Variants in CFAP299 observed in about 807,000 individuals in gnomAD.
CFAP299 encodes the protein cilia- and flagella-associated protein 299.
A neutral mutation model predicts 27.0 loss-of-function variants in CFAP299; 21 were observed. That is an observed-to-expected ratio of 0.78 (90% confidence interval 0.55 to 1.12). The LOEUF is 1.12. CFAP299 is among the 50% of genes most tolerant of loss of function. CFAP299 has a pLI of 0.00. For missense variants in CFAP299, 310 were observed against 276.6 expected (o/e 1.12, Z -0.86); for synonymous variants, 104 against 98.1 (o/e 1.06, Z -0.36).
chr4:80,401,488 C>A (rs1016903959), intron 2 of CFAP299, among the ~76,000 whole-genome samples: 8 of 152,198 alleles, frequency 5.3e-5, no homozygotes, highest in Admixed American at 4.6e-4. Flanking sequence ...AGGGGGGAAG[C>A]CCCAAGTCTT....
intron 5 of CFAP299, among the ~76,000 whole-genome samples, chr4:80,952,616 CTTTCTT>C (rs534462944): frequency 6.6e-6 from 1 of 152,130 alleles, no homozygotes; most frequent in South Asian, 2.1e-4. Context: ...ATGTCAAATT[CTTTCTT>C]TTTCTCTGAG....
At chr4:80,342,358 A>G (rs1255438205) in intron 1 of CFAP299, among the ~76,000 whole-genome samples, 1 of 152,196 alleles carries the variant, frequency 6.6e-6, no homozygotes, top group East Asian at 1.9e-4. Context: ...ACCTCAAGAC[A>G]CATAATCCTC....
At chr4:80,422,445 C>T (rs1022426471) in intron 2 of CFAP299, among the ~76,000 whole-genome samples, 4 of 152,122 alleles carry the variant, frequency 2.6e-5, no homozygotes, top group African/African-American at 9.7e-5. Context: ...TGCTACTACG[C>T]CCATAGGCCG....
At chr4:80,924,538 G>GTATATATATATA (rs1553906748) in intron 4 of CFAP299, among the ~76,000 whole-genome samples, 31 of 131,692 alleles carry the variant, frequency 2.4e-4, no homozygotes, top group Middle Eastern at 7.8e-3. Flanking sequence ...GTGTGTGTGT[G>GTATATATATATA]TATATATATA....
At chr4:80,847,352 A>G (rs1398717235) in intron 3 of CFAP299, among the ~76,000 whole-genome samples, 3 of 152,088 alleles carry the variant, frequency 2.0e-5, no homozygotes, top group African/African-American at 7.2e-5. Flanking sequence ...CCTTGACACA[A>G]TCTCTCTGCA....
At chr4:80,632,904 ATTC>A (rs1290813884) in intron 3 of CFAP299, among the ~76,000 whole-genome samples, 5 of 152,200 alleles carry the variant, frequency 3.3e-5, no homozygotes, top group Non-Finnish European at 7.4e-5. Flanking sequence ...TGAATAATGT[ATTC>A]TTAAAAAGCA....
At chr4:80,679,608 G>A (rs1002869070) in intron 3 of CFAP299, among the ~76,000 whole-genome samples, 2 of 151,720 alleles carry the variant, frequency 1.3e-5, no homozygotes, top group African/African-American at 4.8e-5. Flanking sequence ...TAAAAAAAAT[G>A]GCTACTAATA....
intron 3 of CFAP299, among the ~76,000 whole-genome samples, chr4:80,734,656 A>G (rs948718901): frequency 6.6e-6 from 1 of 152,144 alleles, no homozygotes; most frequent in Admixed American, 6.5e-5. Context: ...GACAATACAT[A>G]GGGGTCAGGA....
At chr4:80,732,934 C>T (rs1723623331) in intron 3 of CFAP299, among the ~76,000 whole-genome samples, 1 of 152,164 alleles carries the variant, frequency 6.6e-6, no homozygotes, top group East Asian at 1.9e-4. Context: ...TATTAATGTG[C>T]TTGGCATAGA....
intron 3 of CFAP299, among the ~76,000 whole-genome samples, chr4:80,599,433 A>C (rs1389987309): frequency 1.3e-5 from 2 of 152,140 alleles, no homozygotes; most frequent in Non-Finnish European, 2.9e-5. Flanking sequence ...CCTGTGAACT[A>C]TCCTTAATTC....
chr4:80,752,340 A>G (rs748982686), intron 3 of CFAP299, among the ~76,000 whole-genome samples: 4 of 150,846 alleles, frequency 2.7e-5, no homozygotes, highest in African/African-American at 7.3e-5. Context: ...GCTTCTAATC[A>G]GCCATGGTGC....
At chr4:80,684,230 T>A (rs1220191961) in intron 3 of CFAP299, among the ~76,000 whole-genome samples, 1 of 151,632 alleles carries the variant, frequency 6.6e-6, no homozygotes, top group East Asian at 2.0e-4. Context: ...CTTTTTCTGT[T>A]CGTTTTTATT....
chr4:80,958,990 T>C lies in CFAP299; in HGVS notation c.607-4527T>C, dbSNP rs116117334. Among the ~76,000 whole-genome samples the C allele has an allele frequency of 3.8e-3, 577 of 152,292 alleles. 1 individual carries two copies. Among genetic ancestry groups the C allele is most frequent in the African/African-American group, 0.014 (562 of 41,576 alleles). ...CTACAGGGACCTAAAATCACTGTTGTGGACTTATTACTAATAATTTTCAAA... is the reference window on the plus strand; with the variant it reads ...CTACAGGGACCTAAAATCACTGTTGCGGACTTATTACTAATAATTTTCAAA... On this transcript the variant is annotated intron_variant, in intron 5 of 5. Coordinates refer to ENST00000358105, the MANE Select transcript of CFAP299 (RefSeq NM_152770.3).
chr4:80,545,305 C>G (rs13112651), intron 2 of CFAP299, among the ~76,000 whole-genome samples: 55,610 of 151,786 alleles, frequency 0.37, 13,027 homozygotes, highest in African/African-American at 0.67. Context: ...AGAAACAAGA[C>G]CAAAACAACT....
chr4:80,473,765 A>G (rs908451157), intron 2 of CFAP299, among the ~76,000 whole-genome samples: 1 of 151,796 alleles, frequency 6.6e-6, no homozygotes, highest in Admixed American at 6.6e-5. Flanking sequence ...TTGTTTTTTA[A>G]ATTTTTTGTA....
At chr4:80,781,411 A>G (rs1419545819) in intron 3 of CFAP299, among the ~76,000 whole-genome samples, 1 of 152,054 alleles carries the variant, frequency 6.6e-6, no homozygotes, top group Non-Finnish European at 1.5e-5. Flanking sequence ...GGATAGGTAA[A>G]CACCTATATT....
chr4:80,956,765 G>C (rs1209931267), intron 5 of CFAP299, among the ~76,000 whole-genome samples: 3 of 151,772 alleles, frequency 2.0e-5, no homozygotes, highest in Non-Finnish European at 4.4e-5. Flanking sequence ...CTCTACAATT[G>C]TTATTGCTGT....
At chr4:80,685,238 G>A (rs889898644) in intron 3 of CFAP299, among the ~76,000 whole-genome samples, 3 of 152,144 alleles carry the variant, frequency 2.0e-5, no homozygotes, top group Non-Finnish European at 2.9e-5. Context: ...CTCTTGTTCA[G>A]TGAATATATT....
intron 2 of CFAP299, among the ~76,000 whole-genome samples, chr4:80,522,511 T>G (rs1732974250): frequency 6.6e-6 from 1 of 152,086 alleles, no homozygotes; most frequent in Non-Finnish European, 1.5e-5. Flanking sequence ...ATTTGATGTA[T>G]TCTCACTTGT....
Sources: allele counts gnomAD v4.1 joint callset (sites outside exome capture counted in the v4.1 genomes callset), GRCh38; gene constraint gnomAD v4.1.1; transcripts MANE v1.5; gene names NCBI Gene and HGNC (gene_info 2026-07-23, HGNC 2026-07-21).